Variants in SLC2A9 observed in about 807,000 individuals in gnomAD.
The protein encoded by SLC2A9 is solute carrier family 2 member 9.
SLC2A9 carries 39 observed loss-of-function variants against 50.6 expected under a neutral mutation model. The observed-to-expected ratio is 0.77, with a 90% CI of 0.60 to 1.01. The LOEUF is 1.01. Ranked by LOEUF, SLC2A9 falls within the 50% of genes least tolerant of loss-of-function variation. The probability of loss-of-function intolerance (pLI) is 0.00; values close to 1 mark genes in which losing one functional copy is unlikely to be tolerated. For synonymous variants in SLC2A9, 324 were observed against 276.9 expected (o/e 1.17, Z -1.69); for missense variants, 686 against 677.6 (o/e 1.01, Z -0.14).
chr4:9,832,341 T>C (rs1183975846), intron 11 of SLC2A9, among the ~76,000 whole-genome samples: 4 of 152,234 alleles, frequency 2.6e-5, no homozygotes, highest in Non-Finnish European at 5.9e-5. Context: ...CCCAGCTCTC[T>C]AACTTGCTAA....
intron 2 of SLC2A9, 132 bp downstream of exon 2, chr4:10,018,843 G>A: frequency 1.2e-6 from 1 of 820,978 alleles, no homozygotes; most frequent in Non-Finnish European, 2.0e-6. Flanking sequence ...CCGAGTGGGG[G>A]CTAATCTCTG....
chr4:9,939,082 G>C (rs1236654833), intron 6 of SLC2A9, among the ~76,000 whole-genome samples: 1 of 152,176 alleles, frequency 6.6e-6, no homozygotes, highest in African/African-American at 2.4e-5. Context: ...TTGGCCAATA[G>C]GATTTTAGGA....
intron 3 of SLC2A9, chr4:9,783,773 C>T (rs1718849928): frequency 3.6e-6 from 1 of 275,994 alleles, no homozygotes; most frequent in Non-Finnish European, 7.3e-6. Flanking sequence ...TATGCTCTCC[C>T]CTCCCTTTTT....
intron 5 of SLC2A9, among the ~76,000 whole-genome samples, chr4:9,956,953 G>A (rs1412724050): frequency 7.9e-5 from 12 of 152,242 alleles, no homozygotes; most frequent in Non-Finnish European, 1.3e-4. Flanking sequence ...TGGAGGAAGT[G>A]GCACTCGGAG....
intron 4 of SLC2A9, 43 bp from the exon 5 acceptor site, chr4:9,980,780 C>A: frequency 1.2e-6 from 2 of 1,613,722 alleles, no homozygotes; most frequent in South Asian, 2.2e-5. Context: ...GGTGTCTTCC[C>A]GGGGGAGCTG....
chr4:9,945,209 T>A lies in SLC2A9; in HGVS notation c.682-3164A>T, dbSNP rs553298449. On this transcript the variant is annotated intron_variant, in intron 5 of 11. Transcript: ENST00000264784. ...CTCTTGCAGGCTGTCTGGATTTGAA[T>A]TCTGCCTCTACCCCCACTCACTGTG... Among the ~76,000 whole-genome samples the A allele has an allele frequency of 2.6e-5, 4 of 152,352 alleles. No homozygotes were observed. The South Asian group carries it at 8.3e-4, about 32-fold the overall frequency.
intron 6 of SLC2A9, 51 bp from the exon 7 acceptor site, chr4:9,920,623 A>G (rs774995959): frequency 1.9e-6 from 3 of 1,607,156 alleles, no homozygotes; most frequent in African/African-American, 1.3e-5. Flanking sequence ...AGTGTCCATC[A>G]TGTCTAATGC....
intron 1 of SLC2A9, among the ~76,000 whole-genome samples, chr4:10,019,570 G>A (rs1041633916): frequency 1.3e-5 from 2 of 152,248 alleles, no homozygotes; most frequent in African/African-American, 4.8e-5. Context: ...CTAGGATGGG[G>A]ACTGAAGTCC....
chr4:9,927,021 T>C (rs1015619325), intron 6 of SLC2A9, among the ~76,000 whole-genome samples: 1 of 144,026 alleles, frequency 6.9e-6, no homozygotes, highest in Admixed American at 7.4e-5. Flanking sequence ...AATCCATTTC[T>C]GTTGTTCGAT....
downstream of SLC2A9, among the ~76,000 whole-genome samples, chr4:9,822,912 A>G (rs1300167727): frequency 6.6e-6 from 1 of 152,096 alleles, no homozygotes; most frequent in Non-Finnish European, 1.5e-5. Flanking sequence ...GTCCATGTCC[A>G]TTGCACAGTT....
chr4:9,823,250 A>G (rs2066), downstream of SLC2A9, among the ~76,000 whole-genome samples: 24,102 of 152,038 alleles, frequency 0.16, 2,553 homozygotes, highest in African/African-American at 0.3. Flanking sequence ...CTGGTCAGGA[A>G]TTAGGAAAGG....
At chr4:10,022,677 G>A (rs777484330), upstream of SLC2A9, among the ~76,000 whole-genome samples, 1 of 152,190 alleles carries the variant, frequency 6.6e-6, no homozygotes, top group Non-Finnish European at 1.5e-5. Context: ...ACAAAAGAGA[G>A]ATCGAAAAGT....
chr4:9,879,309 T>C (rs1560228033), intron 10 of SLC2A9: 8 of 985,308 alleles, frequency 8.1e-6, no homozygotes, highest in Non-Finnish European at 9.6e-6. Context: ...AGGGTGGTTG[T>C]TGCAAGAGGG....
chr4:9,920,026 T>C (rs1156989750), intron 7 of SLC2A9, among the ~76,000 whole-genome samples: 1 of 152,162 alleles, frequency 6.6e-6, no homozygotes, highest in Non-Finnish European at 1.5e-5. Flanking sequence ...AAGAGTACTT[T>C]TATGAAAATC....
rs372346996 is a variant in SLC2A9, at chr4:9,836,911, C to T, written c.1292-1903G>A. On this transcript the variant is annotated intron_variant, in intron 10 of 11. Coordinates refer to ENST00000264784, the MANE Select transcript of SLC2A9 (RefSeq NM_020041.3). ...ATTGAGGTAAAGCTTTCAAGGTAAG[C>T]ATTGCACATACACAATCACTTAGCA... is the stretch of plus-strand genomic sequence containing the variant. Among the ~76,000 whole-genome samples, 522 of 152,280 alleles carry T rather than the reference C, an allele frequency of 3.4e-3. 1 individual carries two copies. The highest frequency in any genetic ancestry group is 0.014 in the Middle Eastern group (4 of 294).
chr4:9,939,671 AATGT>A (rs1225256351), intron 6 of SLC2A9, among the ~76,000 whole-genome samples: 2 of 152,130 alleles, frequency 1.3e-5, no homozygotes, highest in Admixed American at 1.3e-4. Context: ...TTAATGAGCT[AATGT>A]ATGTGAAGTG....
At position 9,985,807 on chromosome 4, in the gene SLC2A9, A is replaced by C; in HGVS notation, c.411-14T>G. The stretch of plus-strand genomic sequence containing the variant: ...AAAGTGTGCTTCCTGGAAAGAAAGG[A>C]AAGATTTGATGAAGATGTCTAACCA... On this transcript the variant is annotated splice_polypyrimidine_tract_variant and intron_variant, in intron 3 of 11. Transcript: ENST00000264784. 6.2e-7 allele frequency: 1 copy of C among 1,613,968 alleles called. No individual in the cohort carries two copies.
chr4:9,929,305 C>T (rs540545661), intron 6 of SLC2A9, among the ~76,000 whole-genome samples: 7 of 152,148 alleles, frequency 4.6e-5, no homozygotes, highest in Admixed American at 6.5e-5. Flanking sequence ...GGAAGTTTAC[C>T]GGCTGGAGAG....
intron 5 of SLC2A9, among the ~76,000 whole-genome samples, chr4:9,950,887 C>T (rs1308479896): frequency 6.1e-5 from 1 of 16,314 alleles, no homozygotes; most frequent in South Asian, 2.2e-3. Context: ...AGCGAGACTC[C>T]GTCTCAAAAA....
Sources: gnomAD v4.1 joint callset for allele counts (sites outside exome capture counted in the v4.1 genomes callset) on GRCh38, gnomAD v4.1.1 for gene constraint, MANE v1.5 for transcripts, NCBI Gene and HGNC (gene_info 2026-07-23, HGNC 2026-07-21) for gene names.